The following ANGPTL5 variants were observed in gnomAD, a reference collection of about 807,000 sequenced individuals.
ANGPTL5 encodes angiopoietin-related protein 5.
A neutral mutation model predicts 39.4 loss-of-function variants in ANGPTL5; 34 were observed. That is an observed-to-expected ratio of 0.86 (90% confidence interval 0.66 to 1.15). ANGPTL5 has a LOEUF of 1.15. Ranked by LOEUF, ANGPTL5 falls within the 50% of genes most tolerant of loss-of-function variation. The pLI is 0.00. For missense variants in ANGPTL5, 467 were observed against 457.5 expected (o/e 1.02, Z -0.19); for synonymous variants, 146 against 152.1 (o/e 0.96, Z 0.29).
chr11:101,912,014 T>G (rs1381267936), intron 1 of ANGPTL5, among the ~76,000 whole-genome samples: 1 of 152,220 alleles, frequency 6.6e-6, no homozygotes, highest in Non-Finnish European at 1.5e-5. Context: ...CAGATAGAAC[T>G]GACATTGGTC....
chr11:101,900,770 T>C (rs1376647602), intron 6 of ANGPTL5, among the ~76,000 whole-genome samples: 1 of 152,202 alleles, frequency 6.6e-6, no homozygotes, highest in Non-Finnish European at 1.5e-5. Context: ...AATAATACTG[T>C]TTATTATCAA....
At chr11:101,898,232 A>AG (rs1483804374) in intron 7 of ANGPTL5, among the ~76,000 whole-genome samples, 6 of 152,200 alleles carry the variant, frequency 3.9e-5, no homozygotes, top group African/African-American at 1.4e-4. Flanking sequence ...TCAAAAAAAA[A>AG]AATTACTTTG....
At chr11:101,909,963 A>G (rs1357542093) in intron 1 of ANGPTL5, among the ~76,000 whole-genome samples, 2 of 152,182 alleles carry the variant, frequency 1.3e-5, no homozygotes, top group Non-Finnish European at 2.9e-5. Context: ...AGGCAATCAC[A>G]TGATTCCTCT....
intron 3 of ANGPTL5, among the ~76,000 whole-genome samples, chr11:101,906,066 A>G (rs1267428962): frequency 1.3e-5 from 2 of 152,138 alleles, no homozygotes; most frequent in South Asian, 2.1e-4. Context: ...TAATGAAACT[A>G]TGCTTCCTAC....
intron 7 of ANGPTL5, among the ~76,000 whole-genome samples, chr11:101,895,783 C>T (rs1455883804): frequency 3.3e-5 from 5 of 152,192 alleles, no homozygotes; most frequent in Admixed American, 2.0e-4. Flanking sequence ...TCCCTACCCA[C>T]GTGGCATAGC....
At chr11:101,915,296 G>C (rs769861010) in intron 1 of ANGPTL5, 21 of 1,613,552 alleles carry the variant, frequency 1.3e-5, no homozygotes, top group Non-Finnish European at 1.8e-5. Context: ...TGCTGGCGGG[G>C]AGGCCCGGAA....
At position 101,891,247 on chromosome 11, in the gene ANGPTL5, T is replaced by C. The variant is rs1418904809; in HGVS notation, c.*32A>G. On this transcript the variant is annotated 3_prime_UTR_variant, in exon 9 of 9. Coordinates refer to ENST00000334289, the MANE Select transcript of ANGPTL5 (RefSeq NM_178127.5). ...TTTAAAAATCTTTAATATATTATCA[T>C]TGTAGAACTTGCATTACAATGTTAA... 1 of 1,565,802 alleles carries C rather than the reference T, an allele frequency of 6.4e-7. No individual in the cohort carries two copies.
At chr11:101,907,277 A>G (rs770845645) in intron 2 of ANGPTL5, 30 bp from the exon 3 acceptor site, 1 of 1,317,800 alleles carries the variant, frequency 7.6e-7, no homozygotes, top group Non-Finnish European at 1.0e-6. Context: ...AATAAGAAAA[A>G]AATACATTAA....
At chr11:101,892,087 T>C (rs1176019881) in intron 8 of ANGPTL5, among the ~76,000 whole-genome samples, 4 of 152,190 alleles carry the variant, frequency 2.6e-5, no homozygotes, top group African/African-American at 9.6e-5. Flanking sequence ...TTATACAGAA[T>C]ACCAAATGCC....
chr11:101,905,967 T>C (rs1000928993), intron 3 of ANGPTL5, 120 bp from the exon 4 acceptor site: 3 of 657,276 alleles, frequency 4.6e-6, no homozygotes, highest in Admixed American at 2.4e-5. Flanking sequence ...TATCTCAATT[T>C]ATCTTAATAC....
chr11:101,903,406 C>A lies in ANGPTL5; in HGVS notation c.440-685G>T, dbSNP rs190137515. Reference sequence around the variant, plus strand: ...TGGAAGATACTCTACTCTGTAGCATCTTTTATAAGTGAAATAAATTCAACC... The same window carrying A: ...TGGAAGATACTCTACTCTGTAGCATATTTTATAAGTGAAATAAATTCAACC... On this transcript the variant is annotated intron_variant, in intron 5 of 8. Transcript: ENST00000334289. Among the ~76,000 whole-genome samples, 41 of 152,246 alleles carry A rather than the reference C, an allele frequency of 2.7e-4. No individual in the cohort carries two copies. The East Asian group carries it at 4.6e-3, about 17-fold the overall frequency.
intron 7 of ANGPTL5, among the ~76,000 whole-genome samples, chr11:101,896,478 G>A (rs1939797732): frequency 6.6e-6 from 1 of 152,064 alleles, no homozygotes; most frequent in Non-Finnish European, 1.5e-5. Context: ...ATCTACATTA[G>A]GTATTTCTTC....
In ANGPTL5 at chr11:101,891,080, A is replaced by C; in HGVS notation, c.*199T>G. On this transcript the variant is annotated 3_prime_UTR_variant, in exon 9 of 9. Transcript: ENST00000334289. ...ATTGTATATTGTTAATATAGTCAGA[A>C]GTAAAAACATACAATAAGCCATGTT... 2.1e-6 allele frequency: 1 copy of C among 485,204 alleles called. No homozygotes were observed. The highest frequency in any genetic ancestry group is 3.6e-6 in the Non-Finnish European group (1 of 276,748). The allele number at this position is 485,204 out of a possible 1,614,324, so 30.1% of individuals were successfully genotyped here.
intron 1 of ANGPTL5, among the ~76,000 whole-genome samples, chr11:101,911,928 A>G (rs574470702): frequency 2.0e-5 from 3 of 152,238 alleles, no homozygotes; most frequent in African/African-American, 7.2e-5. Context: ...AGATATTTGA[A>G]TGGCAACCTC....
At chr11:101,908,437 GT>G (rs1456626795) in intron 1 of ANGPTL5, among the ~76,000 whole-genome samples, 1 of 152,120 alleles carries the variant, frequency 6.6e-6, no homozygotes, top group Non-Finnish European at 1.5e-5. Context: ...TTTGATCGAG[GT>G]GGACATCCAG....
At chr11:101,899,876 T>C (rs977775545) in intron 7 of ANGPTL5, among the ~76,000 whole-genome samples, 1 of 152,260 alleles carries the variant, frequency 6.6e-6, no homozygotes, top group Non-Finnish European at 1.5e-5. Flanking sequence ...TTGGTGTTTC[T>C]GTTTACCAGC....
At position 101,905,612 on chromosome 11, in the gene ANGPTL5, A is replaced by C. The variant is rs187198579; in HGVS notation, c.345+132T>G. 1.5e-5 allele frequency: 10 copies of C among 669,438 alleles called. No homozygotes were observed. The Admixed American group carries it at 2.4e-4, about 16-fold the overall frequency. The allele number at this position is 669,438 out of a possible 1,614,324, so 41.5% of individuals were successfully genotyped here. ...GCTTTTTGTTTGCCTAAAGTTTACT[A>C]TGGTGCCTCTAACATGGTAGGCGCT... On this transcript the variant is annotated intron_variant, in intron 4 of 8. Coordinates refer to ENST00000334289, the MANE Select transcript of ANGPTL5 (RefSeq NM_178127.5).
intron 7 of ANGPTL5, among the ~76,000 whole-genome samples, chr11:101,895,272 A>G (rs1365454434): frequency 6.6e-6 from 1 of 152,212 alleles, no homozygotes; most frequent in Non-Finnish European, 1.5e-5. Flanking sequence ...ACCAGACTTG[A>G]GAAAATCAGA....
chr11:101,891,545 T>C lies in ANGPTL5; in HGVS notation c.901A>G (p.Ser301Gly). The C allele has an allele frequency of 6.2e-7, 1 of 1,614,078 alleles. No homozygotes were observed. Among genetic ancestry groups the C allele is most frequent in the Non-Finnish European group, 8.5e-7 (1 of 1,179,978 alleles). ...KEDNQNAMPF[S>G]TSDVDNDGCR... ...CCATCATTATCAACATCTGATGTGC[T>C]AAAAGGCATTGCATTTTGATTATCT... Residue 301 changes from serine to glycine, a missense_variant, in exon 9 of 9, where the codon AGC (serine) becomes GGC (glycine). Physicochemically the swap from Ser to Gly is moderately conservative, Grantham distance 56. Transcript: ENST00000334289.
Sources: gnomAD v4.1 joint callset for allele counts (sites outside exome capture counted in the v4.1 genomes callset) on GRCh38, gnomAD v4.1.1 for gene constraint, MANE v1.5 for transcripts, NCBI Gene and HGNC (gene_info 2026-07-23, HGNC 2026-07-21) for gene names.